The following RBFOX1 variants were observed in gnomAD, a reference collection of about 807,000 sequenced individuals.
RBFOX1 encodes RNA binding protein fox-1 homolog 1.
A neutral mutation model predicts 57.7 loss-of-function variants in RBFOX1; 8 were observed. That is an observed-to-expected ratio of 0.14 (90% CI 0.08 to 0.25). The LOEUF is 0.25. Among genes scored for constraint, RBFOX1 ranks in the 10% least tolerant of loss-of-function variants. RBFOX1 has a pLI of 1.00. For synonymous variants in RBFOX1, 326 were observed against 222.4 expected (o/e 1.47, Z -4.15); for missense variants, 611 against 548.5 (o/e 1.11, Z -1.14).
chr16:7,019,303 G>C (rs76260386), intron 3 of RBFOX1, among the ~76,000 whole-genome samples: 2 of 152,064 alleles, frequency 1.3e-5, no homozygotes, highest in Non-Finnish European at 2.9e-5. Flanking sequence ...CTGATGTTTA[G>C]GATGAAAAGG....
intron 2 of RBFOX1, among the ~76,000 whole-genome samples, chr16:6,634,810 T>A (rs1168865331): frequency 1.5e-5 from 2 of 130,376 alleles, no homozygotes; most frequent in South Asian, 2.6e-4. Flanking sequence ...ATTTGTATTA[T>A]ATATAATACA....
intron 12 of RBFOX1, among the ~76,000 whole-genome samples, chr16:7,661,606 C>G (rs111987609): frequency 3.3e-5 from 5 of 152,202 alleles, no homozygotes; most frequent in African/African-American, 1.2e-4. Flanking sequence ...TGTGATTCTA[C>G]AGTTTTATGC....
In RBFOX1 at chr16:5,584,937, T is replaced by C. The variant is rs558440392; in HGVS notation, c.259-13965T>C. Among the ~76,000 whole-genome samples, 9 of 152,056 alleles carry C rather than the reference T, an allele frequency of 5.9e-5. 1 individual carries two copies. The East Asian group carries it at 1.7e-3, about 29-fold the overall frequency. On this transcript the variant is annotated intron_variant, in intron 2 of 2. Transcript: ENST00000585867. ...TTTATTTTTATTTGAAAAAATACGG[T>C]CAAAGCACAAAGGGAGGGATAGAAG... is the stretch of plus-strand genomic sequence containing the variant.
At chr16:7,475,049 C>CA (rs2062361271) in intron 4 of RBFOX1, among the ~76,000 whole-genome samples, 1 of 152,120 alleles carries the variant, frequency 6.6e-6, no homozygotes, top group Admixed American at 6.6e-5. Context: ...ACAGGTTGTT[C>CA]ACCAAATCAG....
At chr16:6,564,179 G>A (rs1425914886) in intron 2 of RBFOX1, among the ~76,000 whole-genome samples, 1 of 152,070 alleles carries the variant, frequency 6.6e-6, no homozygotes, top group African/African-American at 2.4e-5. Context: ...GAGGATAAAA[G>A]CCATGATTGC....
chr16:6,778,026 C>T (rs1410066790), intron 3 of RBFOX1, among the ~76,000 whole-genome samples: 4 of 152,056 alleles, frequency 2.6e-5, no homozygotes, highest in Admixed American at 6.6e-5. Flanking sequence ...CATGTGTGAA[C>T]TCATAAGGTG....
intron 2 of RBFOX1, among the ~76,000 whole-genome samples, chr16:6,492,581 A>G (rs1369477503): frequency 6.9e-6 from 1 of 145,648 alleles, no homozygotes. Context: ...AAATAAATAA[A>G]TAAAAATTAA....
Position 5,492,111 on chromosome 16 carries a change from G to T in RBFOX1, c.258+24857G>T, listed in dbSNP as rs148398685. ...TAGACCTACTGAGTCAGAAACACCA[G>T]GGCTGAGGCCTGGGAATCTGTGTTT... On this transcript the variant is annotated intron_variant, in intron 2 of 2. Coordinates refer to the RBFOX1 transcript ENST00000585867. Among the ~76,000 whole-genome samples the T allele has an allele frequency of 3.3e-3, 500 of 152,254 alleles. 5 individuals carry two copies. The highest frequency in any genetic ancestry group is 0.012 in the African/African-American group (480 of 41,536).
At chr16:5,762,400 C>T (rs2053623891) in intron 3 of RBFOX1, among the ~76,000 whole-genome samples, 1 of 151,124 alleles carries the variant, frequency 6.6e-6, no homozygotes, top group African/African-American at 2.4e-5. Flanking sequence ...TCAGTGTTGG[C>T]CAAGAGGGTT....
At chr16:6,407,460 G>T (rs1175859883) in intron 2 of RBFOX1, among the ~76,000 whole-genome samples, 1 of 151,234 alleles carries the variant, frequency 6.6e-6, no homozygotes, top group Non-Finnish European at 1.5e-5. Context: ...GTATATCTAT[G>T]TCTGTATTTA....
At chr16:6,901,881 C>G (rs751281938) in intron 3 of RBFOX1, among the ~76,000 whole-genome samples, 2 of 152,116 alleles carry the variant, frequency 1.3e-5, no homozygotes, top group Non-Finnish European at 2.9e-5. Flanking sequence ...CCATGTGAGC[C>G]TAAGTGATGA....
At chr16:7,398,063 C>CA (rs2098171771) in intron 4 of RBFOX1, among the ~76,000 whole-genome samples, 1 of 152,096 alleles carries the variant, frequency 6.6e-6, no homozygotes, top group South Asian at 2.1e-4. Flanking sequence ...TAACCTCCCC[C>CA]AGTTGCTCTA....
intron 2 of RBFOX1, among the ~76,000 whole-genome samples, chr16:6,527,321 G>GGTGTGTATGT (rs951870399): frequency 2.6e-5 from 4 of 151,836 alleles, no homozygotes; most frequent in Admixed American, 2.0e-4. Flanking sequence ...TACTAAGAGG[G>GGTGTGTATGT]GTGTGTATGT....
intron 1 of RBFOX1, among the ~76,000 whole-genome samples, chr16:6,208,489 C>A (rs894190790): frequency 2.0e-5 from 3 of 152,106 alleles, no homozygotes; most frequent in South Asian, 2.1e-4. Context: ...GTCCCTGCCC[C>A]TTTGGAGGTC....
intron 4 of RBFOX1, among the ~76,000 whole-genome samples, chr16:7,069,104 AT>A (rs1365125366): frequency 6.6e-6 from 1 of 152,220 alleles, no homozygotes; most frequent in Non-Finnish European, 1.5e-5. Flanking sequence ...CCCTGACATT[AT>A]TTTATCACCC....
chr16:7,030,094 C>G (rs1196524673), intron 3 of RBFOX1, among the ~76,000 whole-genome samples: 1 of 152,090 alleles, frequency 6.6e-6, no homozygotes, highest in Admixed American at 6.6e-5. Flanking sequence ...CAAATTGGTG[C>G]CAAAAATTAT....
At chr16:6,670,806 G>A (rs539353781) in intron 3 of RBFOX1, among the ~76,000 whole-genome samples, 1 of 152,098 alleles carries the variant, frequency 6.6e-6, no homozygotes, top group African/African-American at 2.4e-5. Context: ...GACCATCCTA[G>A]CTAACACGGT....
At chr16:7,333,582 G>T (rs1186916833) in intron 4 of RBFOX1, among the ~76,000 whole-genome samples, 1 of 152,168 alleles carries the variant, frequency 6.6e-6, no homozygotes, top group Non-Finnish European at 1.5e-5. Context: ...TGGCACTGAG[G>T]CAAGAAGGAA....
chr16:5,911,975 G>T (rs1455401561), intron 4 of RBFOX1, among the ~76,000 whole-genome samples: 3 of 152,110 alleles, frequency 2.0e-5, no homozygotes, highest in Non-Finnish European at 2.9e-5. Context: ...GCACCTTCAC[G>T]GGGAGAAATT....
Sources: allele counts gnomAD v4.1 joint callset (sites outside exome capture counted in the v4.1 genomes callset), GRCh38; gene constraint gnomAD v4.1.1; transcripts MANE v1.5; gene names NCBI Gene and HGNC (gene_info 2026-07-23, HGNC 2026-07-21).